ZMYM1: variants seen among roughly 807,000 people sequenced by gnomAD.
The protein encoded by ZMYM1 is zinc finger MYM-type protein 1.
A neutral mutation model predicts 60.0 loss-of-function variants in ZMYM1; 39 were observed. The observed-to-expected ratio is 0.65, with a 90% CI of 0.50 to 0.85. The LOEUF is 0.85. Ranked by LOEUF, ZMYM1 falls within the 40% of genes least tolerant of loss-of-function variation. The pLI is 0.00. For missense variants in ZMYM1, 1,171 were observed against 1,309.5 expected (o/e 0.89, Z 1.63); for synonymous variants, 413 against 454.0 (o/e 0.91, Z 1.15).
intron 1 of ZMYM1, among the ~76,000 whole-genome samples, chr1:35,085,486 G>A (rs1009344391): frequency 6.6e-6 from 1 of 152,206 alleles, no homozygotes; most frequent in Admixed American, 6.6e-5. Context: ...AGGAGGTTAA[G>A]GTGCAGCTGA....
chr1:35,081,361 T>C (rs1021145653), intron 1 of ZMYM1, among the ~76,000 whole-genome samples: 1 of 152,186 alleles, frequency 6.6e-6, no homozygotes, highest in African/African-American at 2.4e-5. Context: ...TGTAGCTTTA[T>C]AAGCCCTTCC....
intron 6 of ZMYM1, among the ~76,000 whole-genome samples, chr1:35,109,473 C>T (rs1327259346): frequency 6.6e-6 from 1 of 152,178 alleles, no homozygotes; most frequent in Non-Finnish European, 1.5e-5. Context: ...ACTCACAGTA[C>T]TCTATACTTT....
intron 6 of ZMYM1, among the ~76,000 whole-genome samples, chr1:35,106,101 CAA>C (rs1643882925): frequency 6.6e-6 from 1 of 151,988 alleles, no homozygotes; most frequent in Non-Finnish European, 1.5e-5. Context: ...AAAAAACAAA[CAA>C]AAAATATCAC....
chr1:35,104,349 T>C lies in ZMYM1; in HGVS notation c.474T>C (p.Ser158=). The change falls in exon 5 of 10, where the codon TCT becomes TCC. Residue 158 remains serine, a synonymous_variant. Coordinates refer to ENST00000359858, the MANE Select transcript of ZMYM1 (RefSeq NM_024772.5). ...GTGTCCAGCTGGAAGACACTACCTCTTGCAAAACTTTTTGCAGCCTATCTT... is the reference window on the plus strand; with the variant it reads ...GTGTCCAGCTGGAAGACACTACCTCCTGCAAAACTTTTTGCAGCCTATCTT... ...VISVQLEDTT[S]CKTFCSLSCL... is the part of the protein sequence containing the mutation. 6.2e-7 allele frequency: 1 copy of C among 1,611,952 alleles called. No individual in the cohort carries two copies. Among genetic ancestry groups the C allele is most frequent in the Non-Finnish European group, 8.5e-7 (1 of 1,179,434 alleles).
chr1:35,100,683 T>A (rs1007461722), intron 4 of ZMYM1, among the ~76,000 whole-genome samples: 2 of 152,114 alleles, frequency 1.3e-5, no homozygotes, highest in Admixed American at 6.6e-5. Flanking sequence ...GTGTCATTTC[T>A]TCACTTTAGT....
At chr1:35,059,836 A>G (rs1162837878) in exon 1 of ZMYM1, 1 of 152,150 alleles carries the variant, frequency 6.6e-6, no homozygotes, top group African/African-American at 2.4e-5. Context: ...CAAGACAGGA[A>G]GTTGACTTCT....
chr1:35,088,428 T>G (rs1569897657), intron 1 of ZMYM1, among the ~76,000 whole-genome samples: 3 of 58,276 alleles, frequency 5.1e-5, no homozygotes, highest in Admixed American at 2.0e-4. Context: ...AAAAATGTGT[T>G]TATGTGTATA....
At chr1:35,070,656 T>C (rs1642050394) in intron 1 of ZMYM1, among the ~76,000 whole-genome samples, 1 of 152,170 alleles carries the variant, frequency 6.6e-6, no homozygotes, top group African/African-American at 2.4e-5. Context: ...ATAGGAGTGG[T>C]GAAAGTGGGC....
chr1:35,080,373 T>C (rs1482856681), intron 1 of ZMYM1, among the ~76,000 whole-genome samples: 1 of 149,282 alleles, frequency 6.7e-6, no homozygotes, highest in East Asian at 2.0e-4. Flanking sequence ...CTGAGTGCAG[T>C]GACACGATCA....
intron 4 of ZMYM1, among the ~76,000 whole-genome samples, chr1:35,103,428 C>T (rs1009473535): frequency 1.3e-5 from 2 of 152,148 alleles, no homozygotes; most frequent in African/African-American, 2.4e-5. Context: ...CTGGTTCTTT[C>T]CCTTAGCATA....
chr1:35,112,976 G>C lies in ZMYM1; in HGVS notation c.1147-1G>C, dbSNP rs1469634681. 3.9e-6 allele frequency: 6 copies of C among 1,524,248 alleles called. No individual in the cohort carries two copies. Among genetic ancestry groups the C allele is most frequent in the Non-Finnish European group, 4.4e-6 (5 of 1,139,062 alleles). The allele number at this position is 1,524,248 out of a possible 1,614,324, so 94.4% of individuals were successfully genotyped here. ...TGTTCTTTTCTCATTTTCTCCCAAAGCTTTCTAAGAGTTCACCTAGTGAAC... is the reference window on the plus strand; with the variant it reads ...TGTTCTTTTCTCATTTTCTCCCAAACCTTTCTAAGAGTTCACCTAGTGAAC... On this transcript the variant is annotated splice_acceptor_variant, in intron 9 of 9. Coordinates refer to ENST00000359858, the MANE Select transcript of ZMYM1 (RefSeq NM_024772.5). LOFTEE classifies it high-confidence loss of function.
upstream of ZMYM1, among the ~76,000 whole-genome samples, chr1:35,078,537 A>ATCTTTTTT (rs1642215942): frequency 1.2e-5 from 1 of 82,234 alleles, no homozygotes; most frequent in African/African-American, 5.1e-5. Context: ...GGTTATTTTA[A>ATCTTTTTT]TTTTTTTTTT....
chr1:35,091,858 T>G (rs575524548), intron 1 of ZMYM1, among the ~76,000 whole-genome samples: 2 of 127,664 alleles, frequency 1.6e-5, no homozygotes, highest in African/African-American at 3.0e-5. Context: ...ATAGTGCCAC[T>G]GCCTGAGTGA....
chr1:35,097,846 G>A lies in ZMYM1; in HGVS notation c.419+280G>A, dbSNP rs552335540. On this transcript the variant is annotated intron_variant, in intron 4 of 9. Coordinates refer to ENST00000359858, the MANE Select transcript of ZMYM1 (RefSeq NM_024772.5). ...TTTTAGTAGAGATGGGGTTTCGTTCGCCATGTTGGCCACGCTGGTCTTGAA... is the reference window on the plus strand; with the variant it reads ...TTTTAGTAGAGATGGGGTTTCGTTCACCATGTTGGCCACGCTGGTCTTGAA... Among the ~76,000 whole-genome samples the A allele has an allele frequency of 3.9e-5, 6 of 151,966 alleles. No homozygotes were observed. The South Asian group carries it at 8.3e-4, about 21-fold the overall frequency.
intron 1 of ZMYM1, among the ~76,000 whole-genome samples, chr1:35,085,685 C>T (rs919386594): frequency 3.9e-5 from 6 of 152,232 alleles, no homozygotes; most frequent in African/African-American, 9.6e-5. Context: ...CTAGAGCTCT[C>T]TTGGGCCTGC....
chr1:35,117,375 G>A (rs570295522), downstream of ZMYM1, among the ~76,000 whole-genome samples: 1 of 151,598 alleles, frequency 6.6e-6, no homozygotes, highest in African/African-American at 2.4e-5. Context: ...TGGAGTGTAC[G>A]GTGGCGTGAT....
intron 1 of ZMYM1, among the ~76,000 whole-genome samples, chr1:35,064,936 A>G (rs2148475360): frequency 6.6e-6 from 1 of 152,202 alleles, no homozygotes; most frequent in African/African-American, 2.4e-5. Context: ...CGGCCTCCCA[A>G]AGTGCTGGGC....
chr1:35,106,931 A>C lies in ZMYM1; in HGVS notation c.807+2162A>C, dbSNP rs1643909077. On this transcript the variant is annotated intron_variant, in intron 6 of 9. Coordinates refer to ENST00000359858, the MANE Select transcript of ZMYM1 (RefSeq NM_024772.5). ...CAGTGGCGCAATCTCAGCTCACTGC[A>C]AGCTCCGCCTCGCGGGTTCACGCCA... 2.0e-5 allele frequency among the ~76,000 whole-genome samples: 3 copies of C among 151,666 alleles called. No homozygotes were observed. In the South Asian group the frequency reaches 6.2e-4, roughly 32 times the overall value.
At chr1:35,101,582 A>G (rs1214385700) in intron 4 of ZMYM1, among the ~76,000 whole-genome samples, 2 of 150,910 alleles carry the variant, frequency 1.3e-5, no homozygotes, top group African/African-American at 4.9e-5. Flanking sequence ...GTATGCCTCA[A>G]ATATCTTTAC....
Sources: gnomAD v4.1 joint callset for allele counts (sites outside exome capture counted in the v4.1 genomes callset) on GRCh38, gnomAD v4.1.1 for gene constraint, MANE v1.5 for transcripts, NCBI Gene and HGNC (gene_info 2026-07-23, HGNC 2026-07-21) for gene names.